The following TXNRD1 variants were observed in gnomAD, a reference collection of about 807,000 sequenced individuals.
TXNRD1 encodes thioredoxin reductase 1, cytoplasmic.
TXNRD1 carries 57 observed loss-of-function variants against 80.3 expected under a neutral mutation model. The ratio of observed to expected loss-of-function variants is 0.71; its 90% confidence interval spans 0.57 to 0.89. The LOEUF is 0.89. Among genes scored for constraint, TXNRD1 ranks in the 40% least tolerant of loss-of-function variants. The probability of loss-of-function intolerance (pLI) is 0.00; values close to 1 mark genes in which losing one functional copy is unlikely to be tolerated. For missense variants in TXNRD1, 730 were observed against 803.0 expected (o/e 0.91, Z 1.10); for synonymous variants, 291 against 285.2 (o/e 1.02, Z -0.20).
At chr12:104,333,875 T>C (rs1833636024) in intron 14 of TXNRD1, among the ~76,000 whole-genome samples, 1 of 152,248 alleles carries the variant, frequency 6.6e-6, no homozygotes. Context: ...TTGCCCAAGT[T>C]GTCATTCACA....
intron 2 of TXNRD1, among the ~76,000 whole-genome samples, chr12:104,256,957 T>C (rs11111955): frequency 0.82 from 120,219 of 146,050 alleles, 49,611 homozygotes; most frequent in East Asian, 0.88. Flanking sequence ...TAGAATGAGA[T>C]GAGAATATAT....
chr12:104,345,012 G>A (rs1368225065), intron 16 of TXNRD1, among the ~76,000 whole-genome samples: 1 of 152,176 alleles, frequency 6.6e-6, no homozygotes, highest in Non-Finnish European at 1.5e-5. Context: ...GACATATTCT[G>A]TGGGGAATGT....
rs1412762323 is a variant in TXNRD1 at position 104,350,159 on chromosome 12, C to T, written c.*1738C>T. The T allele has an allele frequency of 6.6e-6, 1 of 152,044 alleles. No individual in the cohort carries two copies. The highest frequency in any genetic ancestry group is 1.5e-5 in the Non-Finnish European group (1 of 68,022). The allele number at this position is 152,044 out of a possible 1,614,324, so 9.4% of individuals were successfully genotyped here. ...GAAGGATTATATCTTATAGACTTGT[C>T]TTGTTCAGATTCTGTATTTACCCAT... On this transcript the variant is annotated 3_prime_UTR_variant, in exon 17 of 17. Transcript: ENST00000525566.
intron 3 of TXNRD1, among the ~76,000 whole-genome samples, chr12:104,277,777 A>G (rs929753176): frequency 3.3e-5 from 5 of 151,256 alleles, no homozygotes; most frequent in African/African-American, 1.2e-4. Flanking sequence ...TCCTCACTCT[A>G]TATTATTTAA....
At chr12:104,287,022 A>T in intron 3 of TXNRD1, 1 of 1,365,092 alleles carries the variant, frequency 7.3e-7, no homozygotes, top group African/African-American at 1.5e-5. Flanking sequence ...CTTTCACCTC[A>T]GTTTTCTTCA....
chr12:104,320,019 A>T (rs1318886928), intron 9 of TXNRD1, among the ~76,000 whole-genome samples: 1 of 152,188 alleles, frequency 6.6e-6, no homozygotes, highest in Non-Finnish European at 1.5e-5. Context: ...AAAGAATTAG[A>T]GGCTGTCAGG....
chr12:104,243,128 C>T (rs1002282993), intron 1 of TXNRD1, among the ~76,000 whole-genome samples: 1 of 152,122 alleles, frequency 6.6e-6, no homozygotes, highest in Non-Finnish European at 1.5e-5. Context: ...TTTGTAAAAA[C>T]TAAAAATCCT....
intron 16 of TXNRD1, chr12:104,339,526 TTATC>T: frequency 5.0e-6 from 3 of 595,920 alleles, no homozygotes; most frequent in South Asian, 4.7e-5. Flanking sequence ...AATATTTTAT[TTATC>T]ATATCTTCTA....
intron 1 of TXNRD1, among the ~76,000 whole-genome samples, chr12:104,246,534 T>A (rs2032999755): frequency 6.6e-6 from 1 of 151,040 alleles, no homozygotes; most frequent in African/African-American, 2.4e-5. Context: ...TGGTTTTTTT[T>A]TTTTTTTGAG....
intron 3 of TXNRD1, among the ~76,000 whole-genome samples, chr12:104,269,184 C>T (rs1233513194): frequency 1.3e-5 from 2 of 151,990 alleles, no homozygotes; most frequent in South Asian, 2.1e-4. Flanking sequence ...GGATTATAGG[C>T]GTGAACCACT....
At position 104,315,833 on chromosome 12, in the gene TXNRD1, G is replaced by A; in HGVS notation, c.667G>A (p.Ala223Thr). ...CATACCTAAAAAACTGATGCATCAA[G>A]CAGCTTTGTTAGGACAAGCCCTGCA... ...GCIPKKLMHQ[A>T]ALLGQALQDS... is the part of the protein sequence containing the mutation. Residue 223 changes from alanine to threonine, a missense_variant, in exon 7 of 17, where the codon GCA becomes ACA. Transcript: ENST00000525566. 1 of 1,612,846 alleles carries A rather than the reference G, an allele frequency of 6.2e-7. No homozygotes were observed. The highest frequency in any genetic ancestry group is 8.5e-7 in the Non-Finnish European group (1 of 1,179,158).
intron 11 of TXNRD1, among the ~76,000 whole-genome samples, chr12:104,325,651 A>G (rs2035733116): frequency 6.6e-6 from 1 of 152,106 alleles, no homozygotes; most frequent in Non-Finnish European, 1.5e-5. Context: ...AGGCGGGCAG[A>G]TCACGAGGTC....
intron 15 of TXNRD1, among the ~76,000 whole-genome samples, chr12:104,337,953 A>ATT (rs761640158): frequency 0.033 from 3,812 of 116,804 alleles, 126 homozygotes; most frequent in Middle Eastern, 0.12. Flanking sequence ...TGCCCAGCTA[A>ATT]TTTTTTTTTT....
At chr12:104,311,526 C>A in intron 5 of TXNRD1, 114 bp downstream of exon 5, 1 of 1,332,792 alleles carries the variant, frequency 7.5e-7, no homozygotes, top group Non-Finnish European at 1.0e-6. Context: ...ACTCCTGTGA[C>A]ATTTTGCACA....
At chr12:104,301,661 G>A (rs1335460564) in intron 4 of TXNRD1, among the ~76,000 whole-genome samples, 1 of 152,156 alleles carries the variant, frequency 6.6e-6, no homozygotes, top group Non-Finnish European at 1.5e-5. Context: ...TAAAGTGGAT[G>A]TGAGAAGCTC....
intron 15 of TXNRD1, among the ~76,000 whole-genome samples, chr12:104,337,390 CTAGA>C (rs1245277175): frequency 6.6e-6 from 1 of 152,040 alleles, no homozygotes; most frequent in East Asian, 1.9e-4. Context: ...CGAGATTGCA[CTAGA>C]TAGTCTAGTC....
intron 1 of TXNRD1, among the ~76,000 whole-genome samples, chr12:104,221,925 C>T (rs2032366573): frequency 6.6e-6 from 1 of 152,142 alleles, no homozygotes; most frequent in African/African-American, 2.4e-5. Context: ...AGGTAGTAAA[C>T]AGCAGGGAGT....
intron 3 of TXNRD1, among the ~76,000 whole-genome samples, chr12:104,274,723 A>AT (rs749834489): frequency 7.1e-4 from 100 of 140,856 alleles, no homozygotes; most frequent in Non-Finnish European, 1.2e-3. Flanking sequence ...AATAATAAAA[A>AT]AAATAATAAT....
Position 104,265,508 on chromosome 12 carries a change from T to C in TXNRD1, c.304+7429T>C, listed in dbSNP as rs577068093. ...GGGGAGATTGTCTACTGTGGGCAGGTGTTTGAGAAGTCCCCCCTGCGGGTG... is the reference window on the plus strand; with the variant it reads ...GGGGAGATTGTCTACTGTGGGCAGGCGTTTGAGAAGTCCCCCCTGCGGGTG... On this transcript the variant is annotated intron_variant, in intron 3 of 16. Transcript: ENST00000525566. The C allele has an allele frequency of 2.0e-5, 32 of 1,610,458 alleles. No homozygotes were observed. The African/African-American group carries it at 4.1e-4, about 21-fold the overall frequency.
Sources: allele counts gnomAD v4.1 joint callset (sites outside exome capture counted in the v4.1 genomes callset), GRCh38; gene constraint gnomAD v4.1.1; transcripts MANE v1.5; gene names NCBI Gene and HGNC (gene_info 2026-07-23, HGNC 2026-07-21).